LTBP1: variants seen among roughly 807,000 people sequenced by gnomAD.
LTBP1 encodes the protein latent-transforming growth factor beta-binding protein 1.
LTBP1 carries 129 observed loss-of-function variants against 207.6 expected under a neutral mutation model. That is an observed-to-expected ratio of 0.62 (90% CI 0.54 to 0.72). The LOEUF (loss-of-function observed/expected upper bound fraction) is 0.72. Ranked by LOEUF, LTBP1 falls within the 30% of genes least tolerant of loss-of-function variation. LTBP1 has a pLI of 0.00. For synonymous variants in LTBP1, 963 were observed against 833.7 expected, an observed-to-expected ratio of 1.16 and a Z score of -2.67; for missense variants, 2,281 against 2,217.2, an observed-to-expected ratio of 1.03 and a Z score of -0.58.
intron 4 of LTBP1, among the ~76,000 whole-genome samples, chr2:33,125,561 G>A (rs774374463): frequency 3.3e-5 from 5 of 152,004 alleles, no homozygotes; most frequent in South Asian, 2.1e-4. Flanking sequence ...GGCCGGGCAC[G>A]GTGGCTCACG....
chr2:33,377,997 T>G (rs2095163536), intron 31 of LTBP1, among the ~76,000 whole-genome samples: 1 of 152,086 alleles, frequency 6.6e-6, no homozygotes, highest in Non-Finnish European at 1.5e-5. Context: ...GAGATTTGGG[T>G]GGGGACACAA....
At position 32,992,060 on chromosome 2, in the gene LTBP1, T is replaced by C. The variant is rs572810218; in HGVS notation, c.566-28849T>C. On this transcript the variant is annotated intron_variant, in intron 2 of 33. Transcript: ENST00000404816. The stretch of plus-strand genomic sequence containing the variant: ...TTTGTCAGAATTTGTGTTTTCTCAG[T>C]GTGCTTCTCTCCGATAAGATCTTAC... Among the ~76,000 whole-genome samples, 5 of 152,326 alleles carry C rather than the reference T, an allele frequency of 3.3e-5. No individual in the cohort carries two copies. In the East Asian group the frequency reaches 9.6e-4, roughly 29 times the overall value.
At chr2:33,285,273 C>G (rs985581607) in intron 19 of LTBP1, among the ~76,000 whole-genome samples, 5 of 151,712 alleles carry the variant, frequency 3.3e-5, no homozygotes, top group African/African-American at 1.2e-4. Flanking sequence ...AACTCCTGAC[C>G]TCAGGTGATC....
At chr2:33,103,865 T>C (rs1190694813) in intron 3 of LTBP1, among the ~76,000 whole-genome samples, 1 of 152,116 alleles carries the variant, frequency 6.6e-6, no homozygotes, top group African/African-American at 2.4e-5. Flanking sequence ...GGAGAAGAAC[T>C]GGCCCTGGCA....
rs34063170 is a variant in LTBP1 at position 33,184,781 on chromosome 2, G to GTT, written c.1202-2059_1202-2058dup. Among the ~76,000 whole-genome samples, 762 of 136,386 alleles carry GTT rather than the reference G, an allele frequency of 5.6e-3. 10 individuals are homozygous for GTT. The highest frequency in any genetic ancestry group is 0.019 in the African/African-American group (726 of 37,606). 89.5% of individuals were successfully genotyped at this position (136,386 alleles called of 152,430 possible). A position where few individuals can be genotyped will look rare whatever the true frequency, so the allele number is the denominator to read the frequency against. On this transcript the variant is annotated intron_variant, in intron 5 of 33. Transcript: ENST00000404816. ...TCCCTTCCCTCATTCAGTATTTTCTGTTTTTTTTTTTTTTTTTAGCATTTC... is the reference window on the plus strand; with the variant it reads ...TCCCTTCCCTCATTCAGTATTTTCTGTTTTTTTTTTTTTTTTTTTAGCATTTC...
chr2:33,247,798 TGTGGCTAGTGCCTAACATATTGA>T (rs2092558379), intron 10 of LTBP1, among the ~76,000 whole-genome samples: 1 of 152,266 alleles, frequency 6.6e-6, no homozygotes, highest in Non-Finnish European at 1.5e-5. Context: ...AGGAGCAACA[TGTGGCTAGTGCCTAACATATTGA>T]GTGGCGTAGT....
chr2:33,003,975 T>C (rs1053678233), intron 2 of LTBP1, among the ~76,000 whole-genome samples: 2 of 152,360 alleles, frequency 1.3e-5, no homozygotes, highest in Admixed American at 1.3e-4. Context: ...TACCCAAGGA[T>C]AATTGTCTCA....
intron 2 of LTBP1, among the ~76,000 whole-genome samples, chr2:33,006,884 A>G (rs1686972671): frequency 6.6e-6 from 1 of 152,118 alleles, no homozygotes; most frequent in African/African-American, 2.4e-5. Context: ...TTGCAAATGC[A>G]TCATCTGCTG....
At chr2:32,953,977 G>C (rs1332018004) in intron 2 of LTBP1, among the ~76,000 whole-genome samples, 1 of 152,174 alleles carries the variant, frequency 6.6e-6, no homozygotes, top group Non-Finnish European at 1.5e-5. Context: ...CTGCCGATGG[G>C]GTGGGGGTAA....
chr2:33,180,445 C>T (rs1372735956), intron 5 of LTBP1, among the ~76,000 whole-genome samples: 3 of 143,060 alleles, frequency 2.1e-5, no homozygotes, highest in South Asian at 2.2e-4. Context: ...TTTTGTGTAG[C>T]GTGGCATAGT....
rs2092422014 is a variant in LTBP1, at chr2:33,243,887, A to G, written c.1999+103A>G. 5 of 1,308,268 alleles carry G rather than the reference A, an allele frequency of 3.8e-6. No individual in the cohort carries two copies. The East Asian group carries it at 1.2e-4, about 31-fold the overall frequency. The allele number at this position is 1,308,268 out of a possible 1,614,324, so 81.0% of individuals were successfully genotyped here. A position where few individuals can be genotyped will look rare whatever the true frequency, so the allele number is the denominator to read the frequency against. ...TGGCCAACTGAATGCTTGTAAATAT[A>G]CAGGAAAACCTCATTAATTAAAATA... On this transcript the variant is annotated intron_variant, in intron 10 of 33. Transcript: ENST00000404816.
chr2:33,008,414 T>A (rs1013216247), intron 2 of LTBP1, among the ~76,000 whole-genome samples: 7 of 152,160 alleles, frequency 4.6e-5, no homozygotes, highest in African/African-American at 1.4e-4. Flanking sequence ...ATTTCTTTTT[T>A]AAAAAAATAT....
chr2:33,125,384 C>T (rs184902406), intron 4 of LTBP1, among the ~76,000 whole-genome samples: 4 of 152,216 alleles, frequency 2.6e-5, no homozygotes, highest in South Asian at 2.1e-4. Context: ...CCTTGTCTCT[C>T]GAGTCTGCCA....
intron 3 of LTBP1, among the ~76,000 whole-genome samples, chr2:33,074,869 C>CAAAA (rs36211816): frequency 1.1e-4 from 14 of 131,964 alleles, no homozygotes; most frequent in African/African-American, 4.4e-4. Flanking sequence ...GACTCCATCT[C>CAAAA]AAAAAAAAAA....
intron 31 of LTBP1, among the ~76,000 whole-genome samples, chr2:33,379,370 C>A (rs2095186284): frequency 6.6e-6 from 1 of 151,976 alleles, no homozygotes; most frequent in South Asian, 2.1e-4. Flanking sequence ...CCACCATGCC[C>A]AGCTAATTTT....
chr2:33,097,546 C>T (rs2079463709), intron 3 of LTBP1, among the ~76,000 whole-genome samples: 2 of 152,160 alleles, frequency 1.3e-5, no homozygotes, highest in South Asian at 4.1e-4. Context: ...TTAAAAAAAT[C>T]ATAGACATTG....
chr2:33,272,786 C>T (rs1409501286), intron 15 of LTBP1, among the ~76,000 whole-genome samples: 1 of 152,172 alleles, frequency 6.6e-6, no homozygotes, highest in Non-Finnish European at 1.5e-5. Context: ...GGCCATTAGA[C>T]CTTCTTACAA....
chr2:33,250,563 G>T (rs190021112), intron 10 of LTBP1, among the ~76,000 whole-genome samples: 7 of 152,180 alleles, frequency 4.6e-5, no homozygotes, highest in African/African-American at 1.7e-4. Context: ...GTGAGGAAAG[G>T]GTAGATGAGA....
chr2:33,057,517 A>G (rs1234274573), intron 3 of LTBP1, among the ~76,000 whole-genome samples: 1 of 152,214 alleles, frequency 6.6e-6, no homozygotes, highest in Non-Finnish European at 1.5e-5. Context: ...ACAGGAGCCC[A>G]CGGTGGGGTG....
Sources: gnomAD v4.1 joint callset for allele counts (sites outside exome capture counted in the v4.1 genomes callset) on GRCh38, gnomAD v4.1.1 for gene constraint, MANE v1.5 for transcripts, NCBI Gene and HGNC (gene_info 2026-07-23, HGNC 2026-07-21) for gene names.